KLHL1: variants seen among roughly 807,000 people sequenced by gnomAD.
KLHL1 encodes the protein kelch like family member 1, also known as kelch-like protein 1.
Under a neutral mutation model 77.7 loss-of-function variants are expected in KLHL1, and 47 were observed. The observed-to-expected ratio is 0.60, with a 90% CI of 0.48 to 0.77. KLHL1 has a LOEUF of 0.77. Among genes scored for constraint, KLHL1 ranks in the 30% least tolerant of loss-of-function variants. The probability of loss-of-function intolerance (pLI) is 0.00; values close to 1 mark genes in which losing one functional copy is unlikely to be tolerated. For missense variants in KLHL1, 925 were observed against 910.8 expected (o/e 1.02, Z -0.20); for synonymous variants, 360 against 325.2 (o/e 1.11, Z -1.15).
chr13:69,732,721 T>G (rs1873601851), intron 8 of KLHL1, among the ~76,000 whole-genome samples: 1 of 151,676 alleles, frequency 6.6e-6, no homozygotes, highest in African/African-American at 2.4e-5. Context: ...GTAGCAAGAG[T>G]TGCTCTGTAG....
At chr13:69,930,872 T>A (rs541177460) in intron 4 of KLHL1, among the ~76,000 whole-genome samples, 1 of 151,842 alleles carries the variant, frequency 6.6e-6, no homozygotes, top group East Asian at 1.9e-4. Flanking sequence ...TATTTATGTA[T>A]GTAAATTTAT....
chr13:70,083,813 C>T (rs1391407462), intron 1 of KLHL1, among the ~76,000 whole-genome samples: 1 of 152,032 alleles, frequency 6.6e-6, no homozygotes, highest in Non-Finnish European at 1.5e-5. Context: ...TTTTATTCTA[C>T]ATTGTATACA....
intron 6 of KLHL1, among the ~76,000 whole-genome samples, chr13:69,806,694 T>C (rs1877633359): frequency 6.6e-6 from 1 of 152,176 alleles, no homozygotes; most frequent in African/African-American, 2.4e-5. Context: ...TCATGTCTGA[T>C]ACATGGAGCT....
At chr13:69,836,067 G>T (rs923136830) in intron 6 of KLHL1, among the ~76,000 whole-genome samples, 2 of 152,012 alleles carry the variant, frequency 1.3e-5, no homozygotes, top group African/African-American at 4.8e-5. Flanking sequence ...ACACTTAAAA[G>T]CCTGAAGTCC....
At chr13:70,002,102 C>T (rs1885306482) in intron 1 of KLHL1, among the ~76,000 whole-genome samples, 2 of 151,648 alleles carry the variant, frequency 1.3e-5, no homozygotes, top group South Asian at 4.1e-4. Flanking sequence ...AAATTCAGCA[C>T]TCTTTATAAG....
At chr13:69,815,250 A>C (rs1245973108) in intron 6 of KLHL1, among the ~76,000 whole-genome samples, 6 of 152,176 alleles carry the variant, frequency 3.9e-5, no homozygotes, top group Admixed American at 2.6e-4. Flanking sequence ...CGACACCTGC[A>C]CTCATATGTT....
intron 6 of KLHL1, among the ~76,000 whole-genome samples, chr13:69,808,731 T>A (rs1877731383): frequency 6.6e-6 from 1 of 152,100 alleles, no homozygotes; most frequent in Non-Finnish European, 1.5e-5. Flanking sequence ...ATGAAATGTC[T>A]GTAATGACAG....
chr13:70,049,723 A>G (rs1886586046), intron 1 of KLHL1, among the ~76,000 whole-genome samples: 1 of 152,094 alleles, frequency 6.6e-6, no homozygotes, highest in Non-Finnish European at 1.5e-5. Context: ...TTTGGTGGCT[A>G]TTTTTTAATA....
chr13:69,986,814 T>C (rs1428807521), intron 1 of KLHL1, among the ~76,000 whole-genome samples: 1 of 152,014 alleles, frequency 6.6e-6, no homozygotes, highest in Non-Finnish European at 1.5e-5. Context: ...GTCAAGATAC[T>C]TGATGTGTTT....
intron 7 of KLHL1, among the ~76,000 whole-genome samples, chr13:69,742,139 T>C (rs1297440219): frequency 6.6e-6 from 1 of 152,160 alleles, no homozygotes; most frequent in Non-Finnish European, 1.5e-5. Flanking sequence ...AAAATTTTGC[T>C]TTGAGAAGGG....
intron 1 of KLHL1, among the ~76,000 whole-genome samples, chr13:70,033,808 C>A (rs551349455): frequency 6.6e-6 from 1 of 151,590 alleles, no homozygotes; most frequent in South Asian, 2.1e-4. Flanking sequence ...GTAGTAGAAA[C>A]GGGGTTTTAC....
chr13:69,895,328 T>G (rs1881591798), intron 4 of KLHL1, among the ~76,000 whole-genome samples: 1 of 152,082 alleles, frequency 6.6e-6, no homozygotes, highest in Non-Finnish European at 1.5e-5. Flanking sequence ...TCTTGCCTCC[T>G]CCAGTATCAT....
intron 9 of KLHL1, among the ~76,000 whole-genome samples, chr13:69,716,959 C>A (rs1872789121): frequency 6.6e-6 from 1 of 152,056 alleles, no homozygotes; most frequent in African/African-American, 2.4e-5. Flanking sequence ...TAGGGTGAGG[C>A]TCAGTCAGAA....
intron 8 of KLHL1, among the ~76,000 whole-genome samples, chr13:69,732,624 TA>T (rs66904675): frequency 0.054 from 8,151 of 151,286 alleles, 396 homozygotes; most frequent in African/African-American, 0.13. Context: ...TAGAGGAGAG[TA>T]AAGGGTCTTG....
intron 1 of KLHL1, among the ~76,000 whole-genome samples, chr13:70,086,401 G>T (rs1887537434): frequency 6.6e-6 from 1 of 151,630 alleles, no homozygotes; most frequent in Admixed American, 6.6e-5. Context: ...TGCCCAACAT[G>T]TCAAAACTCC....
intron 1 of KLHL1, among the ~76,000 whole-genome samples, chr13:70,040,841 C>A (rs1049147259): frequency 2.6e-5 from 4 of 152,014 alleles, no homozygotes; most frequent in Non-Finnish European, 4.4e-5. Context: ...CCATTTTCAC[C>A]AATTTATGGA....
intron 4 of KLHL1, among the ~76,000 whole-genome samples, chr13:69,889,156 C>G (rs1400686860): frequency 6.6e-6 from 1 of 151,792 alleles, no homozygotes; most frequent in Non-Finnish European, 1.5e-5. Flanking sequence ...TAATAATTAC[C>G]TTAATGTTGT....
intron 5 of KLHL1, among the ~76,000 whole-genome samples, chr13:69,869,337 TTTAA>T (rs1880494159): frequency 6.6e-6 from 1 of 152,002 alleles, no homozygotes; most frequent in Non-Finnish European, 1.5e-5. Flanking sequence ...AAAATATTAA[TTTAA>T]TATGTGCACT....
intron 4 of KLHL1, among the ~76,000 whole-genome samples, chr13:69,911,690 C>T (rs1882244710): frequency 6.6e-6 from 1 of 151,858 alleles, no homozygotes; most frequent in South Asian, 2.1e-4. Context: ...TGTGTATTAC[C>T]ACATCAACTG....
Sources: allele counts gnomAD v4.1 joint callset (sites outside exome capture counted in the v4.1 genomes callset), GRCh38; gene constraint gnomAD v4.1.1; transcripts MANE v1.5; gene names NCBI Gene and HGNC (gene_info 2026-07-23, HGNC 2026-07-21).